UMAD1: variants seen among roughly 807,000 people sequenced by gnomAD.
UMAD1 encodes UBAP1-MVB12-associated (UMA)-domain containing protein 1.
UMAD1 carries 8 observed loss-of-function variants against 6.1 expected under a neutral mutation model. The ratio of observed to expected loss-of-function variants is 1.30; its 90% CI spans 0.76 to 2.35. The LOEUF (loss-of-function observed/expected upper bound fraction) is 2.35. Ranked by LOEUF, UMAD1 falls within the 30% of genes most tolerant of loss-of-function variation. The pLI, the probability that UMAD1 is intolerant of heterozygous loss-of-function variation, is 0.00. For missense variants in UMAD1, 130 were observed against 78.4 expected, an observed-to-expected ratio of 1.66 and a Z score of -2.49; for synonymous variants, 56 against 31.4, an observed-to-expected ratio of 1.78 and a Z score of -2.61.
At chr7:7,803,741 A>G (rs1782850090) in intron 3 of UMAD1, among the ~76,000 whole-genome samples, 1 of 151,370 alleles carries the variant, frequency 6.6e-6, no homozygotes. Context: ...TCCTCACATG[A>G]TAAAGGGAGA....
chr7:7,787,838 C>T (rs530478876), intron 2 of UMAD1, among the ~76,000 whole-genome samples: 1 of 152,116 alleles, frequency 6.6e-6, no homozygotes, highest in African/African-American at 2.4e-5. Context: ...TTGTAGATCT[C>T]TCCTTAAGCC....
At chr7:7,685,437 G>A (rs1374041272) in intron 2 of UMAD1, among the ~76,000 whole-genome samples, 1 of 151,720 alleles carries the variant, frequency 6.6e-6, no homozygotes, top group East Asian at 1.9e-4. Context: ...AGCCTTCCGA[G>A]TAGCTGGGAC....
At chr7:7,712,893 T>C (rs1391632525) in intron 2 of UMAD1, among the ~76,000 whole-genome samples, 2 of 152,206 alleles carry the variant, frequency 1.3e-5, no homozygotes, top group Non-Finnish European at 2.9e-5. Flanking sequence ...GGTATAAGAT[T>C]TGATTTTAAT....
intron 2 of UMAD1, among the ~76,000 whole-genome samples, chr7:7,751,542 T>C (rs973758450): frequency 1.3e-5 from 2 of 152,184 alleles, no homozygotes; most frequent in African/African-American, 4.8e-5. Flanking sequence ...GACTTTGCAC[T>C]AACACTTCCT....
intron 3 of UMAD1, among the ~76,000 whole-genome samples, chr7:7,829,408 A>G (rs1468596376): frequency 6.6e-6 from 1 of 151,888 alleles, no homozygotes; most frequent in Non-Finnish European, 1.5e-5. Flanking sequence ...TACTTTGATC[A>G]TAGTTTTGTG....
chr7:7,731,386 G>A (rs1189824191), intron 2 of UMAD1, among the ~76,000 whole-genome samples: 1 of 151,888 alleles, frequency 6.6e-6, no homozygotes, highest in Non-Finnish European at 1.5e-5. Flanking sequence ...TTTGGAAGCA[G>A]TGTTCAGCGG....
chr7:7,664,230 C>T (rs1583708191), intron 1 of UMAD1, among the ~76,000 whole-genome samples: 1 of 152,020 alleles, frequency 6.6e-6, no homozygotes, highest in African/African-American at 2.4e-5. Context: ...ATTCATAATA[C>T]CACTTTTCCA....
intron 1 of UMAD1, among the ~76,000 whole-genome samples, chr7:7,665,498 C>T (rs1277467269): frequency 6.6e-6 from 1 of 152,176 alleles, no homozygotes; most frequent in Non-Finnish European, 1.5e-5. Flanking sequence ...CATGTGACAT[C>T]TAATTGTGTC....
intron 2 of UMAD1, among the ~76,000 whole-genome samples, chr7:7,755,668 G>A (rs113520889): frequency 6.1e-4 from 93 of 152,220 alleles, no homozygotes; most frequent in African/African-American, 2.1e-3. Flanking sequence ...TAAAAGTCAA[G>A]GAGAGTTTTG....
intron 2 of UMAD1, among the ~76,000 whole-genome samples, chr7:7,774,677 G>A (rs1157212913): frequency 6.6e-6 from 1 of 152,136 alleles, no homozygotes; most frequent in Non-Finnish European, 1.5e-5. Context: ...AAAGCTGTTT[G>A]ATAATCCCAC....
At chr7:7,866,278 G>A (rs1471294118) in intron 3 of UMAD1, among the ~76,000 whole-genome samples, 3 of 152,188 alleles carry the variant, frequency 2.0e-5, no homozygotes, top group African/African-American at 7.2e-5. Context: ...GAAGGAAATG[G>A]GAATGAAAGC....
chr7:7,822,394 G>A (rs1053700767), intron 3 of UMAD1, among the ~76,000 whole-genome samples: 4 of 151,934 alleles, frequency 2.6e-5, no homozygotes, highest in Admixed American at 6.6e-5. Context: ...AAAACAACCC[G>A]AGCCTGGTCG....
chr7:7,700,366 C>G (rs1197901714), intron 2 of UMAD1, among the ~76,000 whole-genome samples: 1 of 152,164 alleles, frequency 6.6e-6, no homozygotes, highest in African/African-American at 2.4e-5. Context: ...GATTTCATTT[C>G]ATGAATTTTG....
At chr7:7,784,317 A>T in intron 2 of UMAD1, among the ~76,000 whole-genome samples, 1 of 148,148 alleles carries the variant, frequency 6.8e-6, no homozygotes. Flanking sequence ...ATGACTTAAA[A>T]TTTTCTACTT....
chr7:7,843,793 A>AAGTATAATTATACTT, intron 3 of UMAD1, among the ~76,000 whole-genome samples: 2 of 152,300 alleles, frequency 1.3e-5, no homozygotes, highest in Non-Finnish European at 2.9e-5. Context: ...TCCAGAATTT[A>AAGTATAATTATACTT]CCAAACTGAC....
chr7:7,670,367 G>C (rs900492233), intron 1 of UMAD1, among the ~76,000 whole-genome samples: 85 of 152,186 alleles, frequency 5.6e-4, no homozygotes, highest in Admixed American at 5.4e-3. Context: ...ATATACAAAA[G>C]TTCTTGTAGC....
intron 3 of UMAD1, among the ~76,000 whole-genome samples, chr7:7,851,573 C>G (rs991621418): frequency 3.3e-5 from 5 of 152,138 alleles, no homozygotes; most frequent in African/African-American, 9.7e-5. Context: ...TTGTTATTAT[C>G]TGACTTCTTG....
rs558241650 is a variant in UMAD1 at position 7,830,894 on chromosome 7, A to G, written c.156+29151A>G. 2.0e-5 allele frequency among the ~76,000 whole-genome samples: 3 copies of G among 152,284 alleles called. No individual in the cohort carries two copies. Among genetic ancestry groups the G allele is most frequent in the Non-Finnish European group, 4.4e-5 (3 of 68,010 alleles). On this transcript the variant is annotated intron_variant, in intron 3 of 3. Coordinates refer to ENST00000682710, the MANE Select transcript of UMAD1 (RefSeq NM_001302348.2). This position sits in a 1 kb window ranked among gnomAD's most constrained non-coding sequence, Gnocchi z 5.3. ...ATAGAAAAATTTGTTATTAGTTTTT[A>G]TGAATAAGCCAATCACCCAAACATT...
At chr7:7,840,484 G>A (rs944442907) in intron 3 of UMAD1, among the ~76,000 whole-genome samples, 6 of 152,116 alleles carry the variant, frequency 3.9e-5, no homozygotes, top group African/African-American at 1.2e-4. Context: ...TTAGGTTCAC[G>A]TAGCTACGTG....
Sources: gnomAD v4.1 joint callset for allele counts (sites outside exome capture counted in the v4.1 genomes callset) on GRCh38, gnomAD v4.1.1 for gene constraint, Gnocchi (gnomAD v3.1) non-coding constraint, MANE v1.5 for transcripts, NCBI Gene and HGNC (gene_info 2026-07-23, HGNC 2026-07-21) for gene names.